Variants in PRKAG2 observed in about 807,000 individuals in gnomAD.
PRKAG2 encodes the protein protein kinase AMP-activated non-catalytic subunit gamma 2.
PRKAG2 carries 26 observed loss-of-function variants against 69.6 expected under a neutral mutation model. That is an observed-to-expected ratio of 0.37 (90% CI 0.27 to 0.52). PRKAG2 has a LOEUF of 0.52. PRKAG2 is among the 20% of genes least tolerant of loss of function. The pLI is 0.90. For synonymous variants in PRKAG2, 293 were observed against 285.0 expected (o/e 1.03, Z -0.28); for missense variants, 557 against 740.0 (o/e 0.75, Z 2.87).
At chr7:151,560,305 GA>G (rs1804624001) in intron 15 of PRKAG2, 1 of 1,452,524 alleles carries the variant, frequency 6.9e-7, no homozygotes, top group East Asian at 2.9e-5. Flanking sequence ...ACCTTGATAG[GA>G]TGCTCTTAAC....
At chr7:151,876,321 G>C (rs530708450) in intron 1 of PRKAG2, among the ~76,000 whole-genome samples, 186 bp downstream of exon 1, 1 of 152,076 alleles carries the variant, frequency 6.6e-6, no homozygotes, top group African/African-American at 2.4e-5. Context: ...CGGGCAGAGA[G>C]AGAGATTGAG....
chr7:151,774,283 G>A (rs1320821178), intron 3 of PRKAG2, among the ~76,000 whole-genome samples: 1 of 152,122 alleles, frequency 6.6e-6, no homozygotes, highest in East Asian at 1.9e-4. Context: ...CCTTCCAGAA[G>A]AAAGGTCTGG....
At chr7:151,652,247 C>T (rs780768771) in intron 4 of PRKAG2, among the ~76,000 whole-genome samples, 6 of 152,212 alleles carry the variant, frequency 3.9e-5, no homozygotes, top group African/African-American at 7.2e-5. Context: ...ATACACTCCT[C>T]TCTTTTTTTC....
chr7:151,630,108 C>T (rs556687144), intron 5 of PRKAG2, among the ~76,000 whole-genome samples: 3 of 151,950 alleles, frequency 2.0e-5, no homozygotes, highest in Middle Eastern at 3.4e-3. Context: ...TCGTGGGATT[C>T]GGTGTGCTTT....
intron 3 of PRKAG2, among the ~76,000 whole-genome samples, chr7:151,731,492 G>T (rs990867248): frequency 2.0e-5 from 3 of 151,902 alleles, no homozygotes; most frequent in Admixed American, 6.6e-5. Context: ...GGGGCTGCAG[G>T]GCCTTGATTT....
At chr7:151,597,820 G>GCCCC (rs34809720) in intron 5 of PRKAG2, among the ~76,000 whole-genome samples, 28 of 124,854 alleles carry the variant, frequency 2.2e-4, no homozygotes, top group African/African-American at 7.7e-4. Context: ...ACAAAAGGGA[G>GCCCC]CCCCCCCCCC....
chr7:151,679,601 C>T (rs976955243), intron 3 of PRKAG2, among the ~76,000 whole-genome samples: 14 of 152,258 alleles, frequency 9.2e-5, no homozygotes, highest in African/African-American at 3.4e-4. Flanking sequence ...GTTCAAAAAC[C>T]TGTGCCACCC....
intron 4 of PRKAG2, among the ~76,000 whole-genome samples, chr7:151,642,182 A>G (rs1449831243): frequency 7.2e-6 from 1 of 138,300 alleles, no homozygotes; most frequent in East Asian, 2.0e-4. Flanking sequence ...AAAAATACAG[A>G]AAAAAAAAAA....
intron 1 of PRKAG2, among the ~76,000 whole-genome samples, chr7:151,872,553 G>C (rs1480782945): frequency 6.6e-6 from 1 of 152,232 alleles, no homozygotes; most frequent in Non-Finnish European, 1.5e-5. Flanking sequence ...TAACGAGTGG[G>C]TTACACTGTG....
At chr7:151,782,922 C>T (rs1299654916) in intron 2 of PRKAG2, among the ~76,000 whole-genome samples, 1 of 152,240 alleles carries the variant, frequency 6.6e-6, no homozygotes. Flanking sequence ...TCGTCCGCAG[C>T]GCTCGCGGGG....
intron 7 of PRKAG2, 96 bp downstream of exon 7, chr7:151,576,275 C>T: frequency 8.9e-7 from 1 of 1,119,036 alleles, no homozygotes; most frequent in East Asian, 2.5e-5. Context: ...AACATGTTTA[C>T]TAGGTTGAAT....
At chr7:151,855,223 G>GCC (rs2079708615) in intron 1 of PRKAG2, among the ~76,000 whole-genome samples, 1 of 4,644 alleles carries the variant, frequency 2.2e-4, no homozygotes, top group Non-Finnish European at 3.4e-4. Context: ...CACACACCAC[G>GCC]CTCCACACAC....
At chr7:151,559,487 T>C (rs1212023002) in intron 15 of PRKAG2, 1 of 983,346 alleles carries the variant, frequency 1.0e-6, no homozygotes, top group Non-Finnish European at 1.2e-6. Flanking sequence ...GAACATTTCA[T>C]TTTCTAGTAA....
At chr7:151,617,293 GGGGA>G (rs1315938011) in intron 5 of PRKAG2, among the ~76,000 whole-genome samples, 4 of 85,620 alleles carry the variant, frequency 4.7e-5, no homozygotes, top group Non-Finnish European at 7.0e-5. Flanking sequence ...AGAGGGAGGG[GGGGA>G]GGGAGGGAGG....
At chr7:151,784,128 T>G (rs1463903123) in intron 2 of PRKAG2, among the ~76,000 whole-genome samples, 1 of 151,978 alleles carries the variant, frequency 6.6e-6, no homozygotes, top group Admixed American at 6.6e-5. Flanking sequence ...AACGACTTGG[T>G]TGTCCAAGCC....
intron 3 of PRKAG2, among the ~76,000 whole-genome samples, chr7:151,766,854 G>A (rs1042036472): frequency 2.6e-5 from 4 of 152,182 alleles, no homozygotes; most frequent in Non-Finnish European, 5.9e-5. Flanking sequence ...CACATCAATC[G>A]TGGAGAAGGC....
At chr7:151,728,634 C>A (rs899994950) in intron 3 of PRKAG2, among the ~76,000 whole-genome samples, 1 of 152,204 alleles carries the variant, frequency 6.6e-6, no homozygotes, top group South Asian at 2.1e-4. Flanking sequence ...CTTTCCCTTT[C>A]GTCTTCGGAC....
intron 1 of PRKAG2, among the ~76,000 whole-genome samples, chr7:151,856,382 G>A (rs939273437): frequency 3.3e-5 from 5 of 152,242 alleles, no homozygotes; most frequent in South Asian, 2.1e-4. Context: ...GAGTGGCCCC[G>A]AGGCGGGCCC....
intron 1 of PRKAG2, among the ~76,000 whole-genome samples, chr7:151,841,655 GAT>G (rs1405445922): frequency 6.4e-5 from 4 of 62,770 alleles, no homozygotes; most frequent in African/African-American, 1.7e-4. Context: ...AGGTAGTGAT[GAT>G]GGTAGTGATG....
Sources: gnomAD v4.1 joint callset for allele counts (sites outside exome capture counted in the v4.1 genomes callset) on GRCh38, gnomAD v4.1.1 for gene constraint, MANE v1.5 for transcripts, NCBI Gene and HGNC (gene_info 2026-07-23, HGNC 2026-07-21) for gene names.